ALDH1L1: variants seen among roughly 807,000 people sequenced by gnomAD.
The protein encoded by ALDH1L1 is cytosolic 10-formyltetrahydrofolate dehydrogenase.
Under a neutral mutation model 101.1 loss-of-function variants are expected in ALDH1L1, and 68 were observed. The ratio of observed to expected loss-of-function variants is 0.67; its 90% CI spans 0.55 to 0.82. The LOEUF (loss-of-function observed/expected upper bound fraction) is 0.82. Ranked by LOEUF, ALDH1L1 falls within the 40% of genes least tolerant of loss-of-function variation. The pLI is 0.00. For synonymous variants in ALDH1L1, 486 were observed against 470.8 expected (o/e 1.03, Z -0.42); for missense variants, 1,087 against 1,172.7 (o/e 0.93, Z 1.07).
intron 3 of ALDH1L1, among the ~76,000 whole-genome samples, chr3:126,158,051 C>T (rs543060024): frequency 1.1e-4 from 17 of 152,134 alleles, no homozygotes; most frequent in African/African-American, 3.1e-4. Context: ...CCCAGCCCAC[C>T]GCCTGGGGTG....
intron 12 of ALDH1L1, 131 bp downstream of exon 12, chr3:126,135,404 C>T: frequency 3.1e-6 from 4 of 1,302,228 alleles, no homozygotes; most frequent in Non-Finnish European, 4.1e-6. Flanking sequence ...CATCTGATGG[C>T]CTCGGTCCCA....
In ALDH1L1 at chr3:126,177,161, C is replaced by T. The variant is rs943404051; in HGVS notation, c.-24+3315G>A. On this transcript the variant is annotated intron_variant, in intron 1 of 22. Coordinates refer to ENST00000393434, the MANE Select transcript of ALDH1L1 (RefSeq NM_012190.4). ...AAAGGTTTGGTAGTTTTTTATAACA[C>T]GAAACATACTTTTACCATGTGATCC... is the stretch of plus-strand genomic sequence containing the variant. Among the ~76,000 whole-genome samples the T allele has an allele frequency of 6.6e-5, 10 of 152,140 alleles. No homozygotes were observed. The East Asian group carries it at 7.7e-4, about 12-fold the overall frequency.
chr3:126,134,657 C>T (rs993954049), intron 12 of ALDH1L1, among the ~76,000 whole-genome samples: 16 of 152,232 alleles, frequency 1.1e-4, no homozygotes, highest in African/African-American at 3.9e-4. Flanking sequence ...CTGGGCTGCC[C>T]CGGCTTTTCT....
At chr3:126,186,296 G>A (rs1040074531), upstream of ALDH1L1, among the ~76,000 whole-genome samples, 12 of 152,362 alleles carry the variant, frequency 7.9e-5, no homozygotes, top group African/African-American at 2.9e-4. Flanking sequence ...GCTGAAAGGA[G>A]CAACTGGGCC....
intron 1 of ALDH1L1, among the ~76,000 whole-genome samples, chr3:126,172,750 A>C (rs2081302006): frequency 6.6e-6 from 1 of 152,076 alleles, no homozygotes; most frequent in Non-Finnish European, 1.5e-5. Context: ...AAATAGGATA[A>C]AGATCACCCC....
At chr3:126,107,370 C>G in intron 20 of ALDH1L1, 124 bp from the exon 21 acceptor site, 1 of 744,300 alleles carries the variant, frequency 1.3e-6, no homozygotes, top group Non-Finnish European at 2.3e-6. Context: ...CACCGGGTCA[C>G]GGCACCCGTG....
intron 9 of ALDH1L1, among the ~76,000 whole-genome samples, chr3:126,144,489 A>C (rs973531953): frequency 6.6e-6 from 1 of 152,230 alleles, no homozygotes. Context: ...AAATAGTATG[A>C]TACTGGCATA....
At chr3:126,105,623 G>C in intron 22 of ALDH1L1, 103 bp downstream of exon 22, 1 of 1,331,824 alleles carries the variant, frequency 7.5e-7, no homozygotes, top group Non-Finnish European at 1.1e-6. Context: ...CATGTTCAAG[G>C]CTACGTCCCT....
rs113922430 is a variant in ALDH1L1 at position 126,161,095 on chromosome 3, C to T, written c.-23-93G>A. 323 of 1,437,968 alleles carry T rather than the reference C, an allele frequency of 2.2e-4. No individual in the cohort carries two copies. In the African/African-American group the frequency reaches 3.9e-3, roughly 17 times the overall value. The allele number at this position is 1,437,968 out of a possible 1,614,324, so 89.1% of individuals were successfully genotyped here. A position where few individuals can be genotyped will look rare whatever the true frequency, so the allele number is the denominator to read the frequency against. On this transcript the variant is annotated intron_variant, in intron 1 of 22. Transcript: ENST00000393434. ...GACAGGGCAGTTCATGGCACCTGGC[C>T]TGCTCTACCCCAGTCCCCTCTGTGG...
intron 2 of ALDH1L1, 41 bp downstream of exon 2, chr3:126,160,812 G>T (rs757338658): frequency 6.2e-7 from 1 of 1,603,374 alleles, no homozygotes; most frequent in Non-Finnish European, 8.5e-7. Context: ...GGATGGGCGG[G>T]CCGCCCTCCA....
At chr3:126,122,229 C>T (rs188308837) in intron 16 of ALDH1L1, among the ~76,000 whole-genome samples, 2 of 152,180 alleles carry the variant, frequency 1.3e-5, no homozygotes, top group East Asian at 1.9e-4. Flanking sequence ...AGACAGTAGT[C>T]AGAATCCACA....
intron 17 of ALDH1L1, chr3:126,114,962 G>C (rs117349306): frequency 2.1e-6 from 1 of 485,920 alleles, no homozygotes; most frequent in African/African-American, 2.0e-5. Context: ...TGATCGCCCC[G>C]TATAAAACCA....
chr3:126,130,389 C>G, intron 13 of ALDH1L1, 96 bp from the exon 14 acceptor site: 1 of 1,169,330 alleles, frequency 8.6e-7, no homozygotes, highest in Non-Finnish European at 1.2e-6. Flanking sequence ...AGGAGGAAGT[C>G]AAAGCGACCA....
At chr3:126,122,287 C>T (rs2080095043) in intron 16 of ALDH1L1, among the ~76,000 whole-genome samples, 1 of 152,126 alleles carries the variant, frequency 6.6e-6, no homozygotes, top group Admixed American at 6.6e-5. Flanking sequence ...TTATAAAATA[C>T]AGTATCAATG....
rs1027614714 is a variant in ALDH1L1 at position 126,148,346 on chromosome 3, A to T, written c.985-1420T>A. On this transcript the variant is annotated intron_variant, in intron 8 of 22. Transcript: ENST00000393434. Reference sequence around the variant, plus strand: ...GGCAGCAACTGCCCAGCCTCAGCTCATGAAGGCATAGGGGGTTGTGGCCCA... The same window carrying T: ...GGCAGCAACTGCCCAGCCTCAGCTCTTGAAGGCATAGGGGGTTGTGGCCCA... 2.6e-5 allele frequency among the ~76,000 whole-genome samples: 4 copies of T among 152,200 alleles called. 1 individual carries two copies. Among genetic ancestry groups the T allele is most frequent in the African/African-American group, 9.7e-5 (4 of 41,442 alleles).
chr3:126,104,092 C>T (rs1309076497), intron 22 of ALDH1L1: 1 of 579,516 alleles, frequency 1.7e-6, no homozygotes, highest in Admixed American at 3.0e-5. Context: ...TTCCCCAGCT[C>T]CCACCGCCTT....
intron 1 of ALDH1L1, chr3:126,179,607 C>A (rs1292800233): frequency 6.6e-6 from 1 of 152,260 alleles, no homozygotes; most frequent in Non-Finnish European, 1.5e-5. Context: ...GCAGGCACTA[C>A]TGTTCATTGC....
chr3:126,110,194 G>C, intron 19 of ALDH1L1, 85 bp from the exon 20 acceptor site: 2 of 1,539,842 alleles, frequency 1.3e-6, no homozygotes. Context: ...TCTCATGGCT[G>C]ACCCCTGGGG....
upstream of ALDH1L1, among the ~76,000 whole-genome samples, chr3:126,184,449 G>C (rs2081500480): frequency 6.6e-6 from 1 of 152,228 alleles, no homozygotes; most frequent in Non-Finnish European, 1.5e-5. Flanking sequence ...TGAGGGCAGG[G>C]ACAGGGCCTG....
Sources: gnomAD v4.1 joint callset for allele counts (sites outside exome capture counted in the v4.1 genomes callset) on GRCh38, gnomAD v4.1.1 for gene constraint, MANE v1.5 for transcripts, NCBI Gene and HGNC (gene_info 2026-07-23, HGNC 2026-07-21) for gene names.